SPAST: variants seen among roughly 807,000 people sequenced by gnomAD.
SPAST encodes spastin.
SPAST carries 30 observed loss-of-function variants against 76.6 expected under a neutral mutation model. The ratio of observed to expected loss-of-function variants is 0.39; its 90% CI spans 0.29 to 0.53. The LOEUF (loss-of-function observed/expected upper bound fraction) is 0.53, where lower values mean the gene tolerates loss of function less well. SPAST is among the 20% of genes least tolerant of loss of function. The probability of loss-of-function intolerance (pLI) is 0.68; values close to 1 mark genes in which losing one functional copy is unlikely to be tolerated. For missense variants in SPAST, 717 were observed against 770.5 expected, an observed-to-expected ratio of 0.93 and a Z score of 0.82; for synonymous variants, 305 against 281.0, an observed-to-expected ratio of 1.09 and a Z score of -0.86.
At chr2:32,091,782 C>T (rs186846800) in intron 3 of SPAST, among the ~76,000 whole-genome samples, 2 of 151,350 alleles carry the variant, frequency 1.3e-5, no homozygotes, top group South Asian at 2.1e-4. Context: ...TGCAGTGAGC[C>T]GAGATCATGC....
At chr2:32,121,567 G>A (rs1001934074) in intron 7 of SPAST, among the ~76,000 whole-genome samples, 1 of 107,822 alleles carries the variant, frequency 9.3e-6, no homozygotes, top group African/African-American at 3.7e-5. Context: ...TTAAGACACA[G>A]TCTTGCTCTG....
At chr2:32,134,432 G>A (rs1470545662) in intron 9 of SPAST, among the ~76,000 whole-genome samples, 1 of 151,128 alleles carries the variant, frequency 6.6e-6, no homozygotes, top group Non-Finnish European at 1.5e-5. Context: ...AACCTGGGAG[G>A]CAGAGATTGC....
intron 4 of SPAST, among the ~76,000 whole-genome samples, chr2:32,103,136 A>C (rs1055847634): frequency 6.6e-6 from 1 of 152,286 alleles, no homozygotes; most frequent in African/African-American, 2.4e-5. Flanking sequence ...TATTGCCTCA[A>C]TTTCAGAGCC....
chr2:32,093,713 C>T (rs1004624276), intron 3 of SPAST, among the ~76,000 whole-genome samples: 7 of 152,118 alleles, frequency 4.6e-5, no homozygotes, highest in East Asian at 3.9e-4. Context: ...TGCTAGTTAC[C>T]GAATAAATAT....
At chr2:32,139,764 G>A (rs1278846383) in intron 12 of SPAST, among the ~76,000 whole-genome samples, 2 of 151,816 alleles carry the variant, frequency 1.3e-5, no homozygotes, top group East Asian at 3.9e-4. Flanking sequence ...AGGAGGCATA[G>A]GTTGCAGTGA....
At chr2:32,118,031 G>T (rs1254679809) in intron 7 of SPAST, among the ~76,000 whole-genome samples, 1 of 152,018 alleles carries the variant, frequency 6.6e-6, no homozygotes, top group Non-Finnish European at 1.5e-5. Context: ...GTTCACAGAT[G>T]GTATATTTAG....
At position 32,114,644 on chromosome 2, in the gene SPAST, G is replaced by A; in HGVS notation, c.689G>A (p.Gly230Glu). Residue 230 changes from glycine (G) to glutamate (E), a missense_variant, in exon 5 of 17, where the codon GGA (glycine) becomes GAA (glutamate). By Grantham distance (98) the Gly-to-Glu change is moderately conservative (BLOSUM62 -2). Transcript: ENST00000315285. The stretch of plus-strand genomic sequence containing the variant: ...TTTACTTTTTCCTTGTCAGAAAGTG[G>A]AGCTGTTCCAAAAAGAAAAGACCCC... The part of the protein sequence containing the change: ...CRNGHLQSES[G>E]AVPKRKDPLT... The A allele has an allele frequency of 3.1e-6, 5 of 1,613,732 alleles. No homozygotes were observed. Among genetic ancestry groups the A allele is most frequent in the Non-Finnish European group, 4.2e-6 (5 of 1,179,730 alleles).
chr2:32,144,576 T>G (rs1679823707), intron 14 of SPAST, among the ~76,000 whole-genome samples: 1 of 152,196 alleles, frequency 6.6e-6, no homozygotes. Context: ...ATTTTAAATC[T>G]GCAGAGATGA....
chr2:32,089,735 T>A, intron 3 of SPAST, 130 bp downstream of exon 3: 1 of 655,092 alleles, frequency 1.5e-6, no homozygotes, highest in South Asian at 1.6e-5. Flanking sequence ...AGAAAACGTA[T>A]AACATATACA....
intron 4 of SPAST, among the ~76,000 whole-genome samples, chr2:32,100,820 A>G (rs948501657): frequency 6.6e-6 from 1 of 152,128 alleles, no homozygotes; most frequent in Non-Finnish European, 1.5e-5. Context: ...TTAGTATTCC[A>G]TGGTGTATAT....
intron 4 of SPAST, among the ~76,000 whole-genome samples, chr2:32,100,306 A>G (rs1434990066): frequency 1.4e-5 from 2 of 144,266 alleles, no homozygotes; most frequent in Non-Finnish European, 3.0e-5. Context: ...CGGTCCAGCT[A>G]GTTTTATTGG....
At chr2:32,136,479 G>A (rs947484256) in intron 9 of SPAST, 84 bp from the exon 10 acceptor site, 60 of 1,013,828 alleles carry the variant, frequency 5.9e-5, no homozygotes, top group Admixed American at 2.6e-4. Flanking sequence ...TTAAATTCCT[G>A]TGTGCTAGAT....
rs913779678 is a variant in SPAST, at chr2:32,063,611, G to A, written c.-221G>A. 1.7e-6 allele frequency: 1 copy of A among 581,686 alleles called. No homozygotes were observed. The allele number at this position is 581,686 out of a possible 1,614,324, so 36.0% of individuals were successfully genotyped here. A position where few individuals can be genotyped will look rare whatever the true frequency, so the allele number is the denominator to read the frequency against. On this transcript the variant is annotated 5_prime_UTR_variant, in exon 1 of 17. Coordinates refer to ENST00000315285, the MANE Select transcript of SPAST (RefSeq NM_014946.4). ...GAGAGGACAGCGACAGGAAGGGAGG[G>A]GCCCGAGCCACCGACTGCAGGAGGA...
intron 3 of SPAST, among the ~76,000 whole-genome samples, chr2:32,098,026 A>C (rs1347779945): frequency 6.6e-6 from 1 of 151,984 alleles, no homozygotes; most frequent in Admixed American, 6.6e-5. Flanking sequence ...TTCAAATTCT[A>C]GCCAGTTCAT....
chr2:32,108,631 TG>T (rs1360480375), intron 4 of SPAST, among the ~76,000 whole-genome samples: 1 of 151,982 alleles, frequency 6.6e-6, no homozygotes, highest in Non-Finnish European at 1.5e-5. Context: ...TTGTATTTTT[TG>T]TAGAGATGGG....
At chr2:32,131,887 C>T (rs910620034) in intron 9 of SPAST, among the ~76,000 whole-genome samples, 1 of 151,912 alleles carries the variant, frequency 6.6e-6, no homozygotes, top group Non-Finnish European at 1.5e-5. Flanking sequence ...GTCTCGATCT[C>T]CTGACCTTGT....
rs560588059 is a variant in SPAST at position 32,098,332 on chromosome 2, T to A, written c.587-464T>A. Among the ~76,000 whole-genome samples, 14 of 152,160 alleles carry A rather than the reference T, an allele frequency of 9.2e-5. No homozygotes were observed. The East Asian group carries it at 2.7e-3, about 29-fold the overall frequency. On this transcript the variant is annotated intron_variant, in intron 3 of 16. Coordinates refer to ENST00000315285, the MANE Select transcript of SPAST (RefSeq NM_014946.4). Reference sequence around the variant, plus strand: ...AATAAATTAGCTGGGCATAGTGGTGTCTGTATGTAGTGTCAACTACTCAGG... The same window carrying A: ...AATAAATTAGCTGGGCATAGTGGTGACTGTATGTAGTGTCAACTACTCAGG...
intron 16 of SPAST, among the ~76,000 whole-genome samples, chr2:32,149,940 A>G (rs774591125): frequency 2.6e-5 from 4 of 151,482 alleles, no homozygotes; most frequent in Non-Finnish European, 5.9e-5. Context: ...AACTGTTAAC[A>G]CAGATAACAA....
intron 15 of SPAST, 128 bp from the exon 16 acceptor site, chr2:32,147,090 C>A: frequency 1.5e-6 from 1 of 657,338 alleles, no homozygotes; most frequent in African/African-American, 1.8e-5. Context: ...TAACATGTGT[C>A]TCTTTTTTTT....
Sources: gnomAD v4.1 joint callset for allele counts (sites outside exome capture counted in the v4.1 genomes callset) on GRCh38, gnomAD v4.1.1 for gene constraint, MANE v1.5 for transcripts, NCBI Gene and HGNC (gene_info 2026-07-23, HGNC 2026-07-21) for gene names.